The following CAST variants were observed in gnomAD, a reference collection of about 807,000 sequenced individuals.
CAST encodes the protein MIR583 host.
Under a neutral mutation model 119.6 loss-of-function variants are expected in CAST, and 76 were observed. The observed-to-expected ratio is 0.64, with a 90% CI of 0.53 to 0.77. CAST has a LOEUF of 0.77. Among genes scored for constraint, CAST ranks in the 30% least tolerant of loss-of-function variants. The pLI is 0.00. For synonymous variants in CAST, 319 were observed against 331.6 expected (o/e 0.96, Z 0.41); for missense variants, 953 against 946.5 (o/e 1.01, Z -0.09).
At chr5:96,400,345 A>G in the CAST span, among the ~76,000 whole-genome samples, 6 of 152,222 alleles carry the variant, frequency 3.9e-5, no homozygotes, top group African/African-American at 1.2e-4. Context: ...ATATCTTTTC[A>G]TTCAGAATTC....
At chr5:96,021,940 G>C in the CAST span, among the ~76,000 whole-genome samples, 2 of 152,192 alleles carry the variant, frequency 1.3e-5, no homozygotes, top group Non-Finnish European at 2.9e-5. Flanking sequence ...ACCAAGGGTG[G>C]ATTGAAGATA....
chr5:96,242,141 T>C, the CAST span, among the ~76,000 whole-genome samples: 13 of 149,338 alleles, frequency 8.7e-5, no homozygotes, highest in Non-Finnish European at 1.8e-4. Flanking sequence ...TCCTTGCCCA[T>C]GCCTATGTCC....
the CAST span, among the ~76,000 whole-genome samples, chr5:96,265,567 TTTTG>T: frequency 6.6e-6 from 1 of 152,098 alleles, no homozygotes; most frequent in Non-Finnish European, 1.5e-5. Flanking sequence ...TCCTCTACCT[TTTTG>T]TTCTATTCAG....
chr5:96,647,448 G>T (rs907464777), intron 1 of CAST, among the ~76,000 whole-genome samples: 3 of 152,036 alleles, frequency 2.0e-5, no homozygotes, highest in Non-Finnish European at 4.4e-5. Context: ...ACCTTGTGCT[G>T]TTCTAGCCAG....
chr5:96,586,628 TG>T (rs142047635), intron 1 of CAST, among the ~76,000 whole-genome samples: 5,989 of 152,338 alleles, frequency 0.039, 174 homozygotes, highest in African/African-American at 0.081. Flanking sequence ...AGTAACCATT[TG>T]GCAGAAGATT....
At chr5:96,690,883 G>A (rs1752645574) in intron 2 of CAST, among the ~76,000 whole-genome samples, 1 of 152,100 alleles carries the variant, frequency 6.6e-6, no homozygotes. Flanking sequence ...ACTAAGTTAT[G>A]GAGTAGATTC....
chr5:96,518,743 G>A, the CAST span, among the ~76,000 whole-genome samples: 2 of 152,130 alleles, frequency 1.3e-5, no homozygotes, highest in East Asian at 1.9e-4. Context: ...TTAAAGAATC[G>A]CTGTGAGGGG....
chr5:96,180,235 A>T, the CAST span, among the ~76,000 whole-genome samples: 2 of 152,228 alleles, frequency 1.3e-5, no homozygotes, highest in African/African-American at 2.4e-5. Flanking sequence ...ACTTACATTT[A>T]ACAAATTAGC....
At chr5:96,505,862 C>A in the CAST span, among the ~76,000 whole-genome samples, 1 of 152,214 alleles carries the variant, frequency 6.6e-6, no homozygotes, top group Non-Finnish European at 1.5e-5. Flanking sequence ...TTCTAACAGC[C>A]TTCTGAATGC....
the CAST span, among the ~76,000 whole-genome samples, chr5:96,251,166 G>A: frequency 6.6e-6 from 1 of 152,124 alleles, no homozygotes; most frequent in Admixed American, 6.5e-5. Flanking sequence ...ACTGCTTTCT[G>A]TTCTGCACTG....
chr5:96,547,875 T>A (rs1349345057), intron 1 of CAST, among the ~76,000 whole-genome samples: 2 of 152,196 alleles, frequency 1.3e-5, no homozygotes, highest in Non-Finnish European at 2.9e-5. Flanking sequence ...TTCACAATCT[T>A]GGTAGGAAGT....
chr5:96,285,875 C>G, the CAST span, among the ~76,000 whole-genome samples: 1 of 152,274 alleles, frequency 6.6e-6, no homozygotes, highest in Middle Eastern at 3.4e-3. Flanking sequence ...TATGTAATTT[C>G]TTGATTAATG....
At chr5:96,729,971 C>A (rs1367622169) in intron 8 of CAST, among the ~76,000 whole-genome samples, 2 of 152,206 alleles carry the variant, frequency 1.3e-5, no homozygotes, top group Non-Finnish European at 2.9e-5. Context: ...TCTCCTACTG[C>A]CCAGCAATAA....
the CAST span, among the ~76,000 whole-genome samples, chr5:96,497,639 T>G: frequency 6.7e-6 from 1 of 150,270 alleles, no homozygotes; most frequent in Non-Finnish European, 1.5e-5. Flanking sequence ...TCATGTGTCT[T>G]TTGGCTGCAT....
chr5:96,494,866 C>T, the CAST span, among the ~76,000 whole-genome samples: 9 of 152,090 alleles, frequency 5.9e-5, no homozygotes, highest in African/African-American at 2.2e-4. Context: ...GCCTGTAATC[C>T]CAGCACTTTG....
intron 1 of CAST, among the ~76,000 whole-genome samples, chr5:96,624,964 A>G (rs1747690775): frequency 6.6e-6 from 1 of 152,166 alleles, no homozygotes; most frequent in Admixed American, 6.5e-5. Flanking sequence ...CATTGTTGCT[A>G]TTTGTTGTGT....
chr5:96,157,866 A>T, the CAST span, among the ~76,000 whole-genome samples: 1 of 152,214 alleles, frequency 6.6e-6, no homozygotes, highest in African/African-American at 2.4e-5. Context: ...TGTTTTCTTT[A>T]TTCAAGCACG....
At chr5:96,671,112 C>G (rs936818087) in intron 1 of CAST, among the ~76,000 whole-genome samples, 1 of 152,128 alleles carries the variant, frequency 6.6e-6, no homozygotes, top group African/African-American at 2.4e-5. Context: ...GAAAATTATT[C>G]CTTCTTGAGT....
At chr5:96,028,840 TA>T in the CAST span, among the ~76,000 whole-genome samples, 3 of 151,572 alleles carry the variant, frequency 2.0e-5, no homozygotes, top group Non-Finnish European at 2.9e-5. Context: ...AGGGAAGAAT[TA>T]AAAAAAAACT....
Sources: allele counts gnomAD v4.1 joint callset (sites outside exome capture counted in the v4.1 genomes callset), GRCh38; gene constraint gnomAD v4.1.1; transcripts MANE v1.5; gene names NCBI Gene and HGNC (gene_info 2026-07-23, HGNC 2026-07-21).